Variants in CTNND2 observed in about 807,000 individuals in gnomAD.
CTNND2 encodes the protein catenin delta 2.
Under a neutral mutation model 144.4 loss-of-function variants are expected in CTNND2, and 22 were observed. The observed-to-expected ratio is 0.15, with a 90% CI of 0.11 to 0.22. CTNND2 has a LOEUF of 0.22. Among genes scored for constraint, CTNND2 ranks in the 10% least tolerant of loss-of-function variants. The probability of loss-of-function intolerance (pLI) is 1.00; values close to 1 mark genes in which losing one functional copy is unlikely to be tolerated. For missense variants in CTNND2, 1,353 were observed against 1,618.8 expected (o/e 0.84, Z 2.82); for synonymous variants, 751 against 695.6 (o/e 1.08, Z -1.25).
chr5:11,073,271 T>C (rs1188764086), intron 16 of CTNND2, among the ~76,000 whole-genome samples: 1 of 152,248 alleles, frequency 6.6e-6, no homozygotes, highest in Non-Finnish European at 1.5e-5. Flanking sequence ...ATTTTCTGTT[T>C]TTATATTCTC....
chr5:11,130,812 C>G (rs115797530), intron 12 of CTNND2, among the ~76,000 whole-genome samples: 4 of 152,292 alleles, frequency 2.6e-5, no homozygotes, highest in Non-Finnish European at 5.9e-5. Context: ...AGTGCCCGCC[C>G]TCCCTGTATT....
intron 3 of CTNND2, among the ~76,000 whole-genome samples, chr5:11,463,311 A>C (rs1413601124): frequency 6.6e-6 from 1 of 152,214 alleles, no homozygotes; most frequent in African/African-American, 2.4e-5. Context: ...CAGTTATATA[A>C]ATATGCAAAT....
At chr5:11,649,097 T>A (rs954997561) in intron 2 of CTNND2, among the ~76,000 whole-genome samples, 3 of 152,218 alleles carry the variant, frequency 2.0e-5, no homozygotes, top group Non-Finnish European at 4.4e-5. Flanking sequence ...CTACCACTTC[T>A]GTATTTATTT....
chr5:11,251,176 T>C (rs1277909262), intron 9 of CTNND2, among the ~76,000 whole-genome samples: 3 of 152,252 alleles, frequency 2.0e-5, no homozygotes, highest in East Asian at 1.9e-4. Flanking sequence ...CTTGACTTTA[T>C]AGAACTTGAG....
At chr5:11,062,191 C>T (rs1386776538) in intron 16 of CTNND2, among the ~76,000 whole-genome samples, 1 of 152,148 alleles carries the variant, frequency 6.6e-6, no homozygotes, top group East Asian at 1.9e-4. Flanking sequence ...TACACTAAAC[C>T]CTTGAAATAT....
chr5:10,984,649 T>G (rs1218298623), intron 20 of CTNND2, among the ~76,000 whole-genome samples: 1 of 152,220 alleles, frequency 6.6e-6, no homozygotes, highest in Non-Finnish European at 1.5e-5. Flanking sequence ...GCAGAGGAAT[T>G]CACAGAGGCT....
Position 11,904,058 on chromosome 5 carries a change from C to G in CTNND2, c.-205G>C. On this transcript the variant is annotated 5_prime_UTR_variant, in exon 1 of 22. Transcript: ENST00000304623. The surrounding 1 kb of genome is among the most constrained non-coding windows in gnomAD (Gnocchi z 4.2). ...GCTCCCGACGCGAGTGCGCAGCGCC[C>G]GGCCCGGCGGCCCCTCCGAGCTCGG... 6.5e-6 allele frequency: 2 copies of G among 306,780 alleles called. No homozygotes were observed. Among genetic ancestry groups the G allele is most frequent in the Non-Finnish European group, 5.3e-6 (1 of 187,042 alleles). 19.0% of individuals were successfully genotyped at this position (306,780 alleles called of 1,614,324 possible).
At chr5:11,755,974 G>A (rs1788912101) in intron 1 of CTNND2, among the ~76,000 whole-genome samples, 1 of 151,532 alleles carries the variant, frequency 6.6e-6, no homozygotes, top group African/African-American at 2.4e-5. Flanking sequence ...AAGAACCATT[G>A]CTGAAGAACT....
At chr5:11,152,706 C>G (rs1185284175) in intron 12 of CTNND2, among the ~76,000 whole-genome samples, 1 of 152,158 alleles carries the variant, frequency 6.6e-6, no homozygotes, top group African/African-American at 2.4e-5. Context: ...TTCTGAGGAG[C>G]TCCTAAGATC....
At chr5:11,075,550 C>G (rs984583075) in intron 16 of CTNND2, among the ~76,000 whole-genome samples, 1 of 152,212 alleles carries the variant, frequency 6.6e-6, no homozygotes, top group Non-Finnish European at 1.5e-5. Context: ...AGGTCCTTCT[C>G]TTCAGCCTCA....
intron 3 of CTNND2, among the ~76,000 whole-genome samples, chr5:11,435,434 G>A (rs533823182): frequency 5.3e-5 from 8 of 152,012 alleles, no homozygotes; most frequent in African/African-American, 9.6e-5. Flanking sequence ...GAGCCACCGC[G>A]CCCCGCCGTT....
rs774146183 is a variant in CTNND2, at chr5:11,117,548, C to G, written c.2179G>C (p.Glu727Gln). 6.2e-7 allele frequency: 1 copy of G among 1,614,164 alleles called. No individual in the cohort carries two copies. The highest frequency in any genetic ancestry group is 8.5e-7 in the Non-Finnish European group (1 of 1,179,992). Residue 727 changes from glutamate (E) to glutamine (Q), a missense_variant, in exon 13 of 22, where the codon GAG (glutamate) becomes CAG (glutamine). Coordinates refer to ENST00000304623, the MANE Select transcript of CTNND2 (RefSeq NM_001332.4). ...TCTCTCATCCTTCTGCGGGCCTCCT[C>G]TCCGGCCGAACTAACATTCCTGCAA... is the stretch of plus-strand genomic sequence containing the variant. ...GCLRNVSSAGEEARRRMRECD... is the reference protein window; with the variant it reads ...GCLRNVSSAGQEARRRMRECD...
chr5:11,794,034 G>T (rs980784751), intron 1 of CTNND2, among the ~76,000 whole-genome samples: 15 of 152,314 alleles, frequency 9.8e-5, no homozygotes, highest in East Asian at 9.6e-4. Context: ...TCCACCCTTG[G>T]TGACCAATTA....
intron 18 of CTNND2, among the ~76,000 whole-genome samples, chr5:11,010,402 T>A (rs1407004999): frequency 6.6e-6 from 1 of 152,218 alleles, no homozygotes; most frequent in Non-Finnish European, 1.5e-5. Flanking sequence ...TAAATAAAAT[T>A]ATGAATTTTG....
chr5:11,383,191 T>C (rs1319004815), intron 7 of CTNND2, among the ~76,000 whole-genome samples: 1 of 152,020 alleles, frequency 6.6e-6, no homozygotes, highest in Admixed American at 6.6e-5. Flanking sequence ...GTGTAAGAAA[T>C]GAAATGGCCT....
At chr5:11,817,547 G>A (rs2126933310) in intron 1 of CTNND2, among the ~76,000 whole-genome samples, 1 of 151,932 alleles carries the variant, frequency 6.6e-6, no homozygotes, top group Admixed American at 6.5e-5. Context: ...GCCAACGGGA[G>A]GGAAGGAGAA....
intron 3 of CTNND2, among the ~76,000 whole-genome samples, chr5:11,434,293 C>G (rs961749001): frequency 5.5e-4 from 84 of 152,024 alleles, no homozygotes; most frequent in Admixed American, 1.2e-3. Context: ...TGGTAGGAAA[C>G]AAAACAAAAC....
chr5:11,285,341 T>C (rs1747614758), intron 9 of CTNND2, among the ~76,000 whole-genome samples: 1 of 152,220 alleles, frequency 6.6e-6, no homozygotes. Context: ...TCTTCCCCTA[T>C]TGCAATAGTT....
chr5:11,750,219 A>G (rs1466257095), intron 1 of CTNND2, among the ~76,000 whole-genome samples: 1 of 151,900 alleles, frequency 6.6e-6, no homozygotes, highest in Non-Finnish European at 1.5e-5. Context: ...TCTTGCTGTT[A>G]TGACTTGTTT....
Sources: allele counts gnomAD v4.1 joint callset (sites outside exome capture counted in the v4.1 genomes callset), GRCh38; gene constraint gnomAD v4.1.1; non-coding constraint Gnocchi (gnomAD v3.1); transcripts MANE v1.5; gene names NCBI Gene and HGNC (gene_info 2026-07-23, HGNC 2026-07-21).